Variants in PCYT1B observed in about 807,000 individuals in gnomAD.
PCYT1B encodes phosphate cytidylyltransferase 1B, choline.
PCYT1B carries 10 observed loss-of-function variants against 26.4 expected under a neutral mutation model. The observed-to-expected ratio is 0.38, with a 90% confidence interval of 0.23 to 0.64. PCYT1B has a LOEUF of 0.64. Ranked by LOEUF, PCYT1B falls within the 30% of genes least tolerant of loss-of-function variation. The pLI, the probability that PCYT1B is intolerant of heterozygous loss-of-function variation, is 0.56. For synonymous variants in PCYT1B, 131 were observed against 108.4 expected (o/e 1.21, Z -1.29); for missense variants, 161 against 292.7 (o/e 0.55, Z 3.28).
At chrX:24,629,768 C>G (rs1442159680) in intron 1 of PCYT1B, among the ~76,000 whole-genome samples, 1 of 109,531 alleles carries the variant, frequency 9.1e-6, no homozygotes, top group East Asian at 2.9e-4. Flanking sequence ...AAAACACTGA[C>G]CACTTATAAA....
intron 1 of PCYT1B, among the ~76,000 whole-genome samples, chrX:24,633,743 C>T (rs1331009240): frequency 1.8e-5 from 2 of 111,447 alleles, no homozygotes; most frequent in Admixed American, 9.6e-5. Context: ...ATACGCCATA[C>T]GAACTTAACT....
upstream of PCYT1B, among the ~76,000 whole-genome samples, chrX:24,651,966 A>G (rs1326274024): frequency 9.0e-6 from 1 of 111,531 alleles, no homozygotes; most frequent in Non-Finnish European, 1.9e-5. Context: ...GAAACAAAAA[A>G]GCTGAAACCG....
intron 1 of PCYT1B, among the ~76,000 whole-genome samples, chrX:24,654,749 CAAAAAAA>C (rs574317952): frequency 2.5e-5 from 1 of 40,046 alleles, no homozygotes; most frequent in Non-Finnish European, 4.0e-5. Context: ...GACCCTGTCT[CAAAAAAA>C]AAAAAAAAAA....
chrX:24,668,591 T>C (rs890385202), intron 1 of PCYT1B, among the ~76,000 whole-genome samples: 1 of 110,115 alleles, frequency 9.1e-6, no homozygotes, highest in African/African-American at 3.3e-5. Flanking sequence ...CAGAATATAG[T>C]GGAAGAAGTG....
At chrX:24,584,123 C>T (rs1924292047) in intron 5 of PCYT1B, among the ~76,000 whole-genome samples, 1 of 110,860 alleles carries the variant, frequency 9.0e-6, no homozygotes, top group South Asian at 3.8e-4. Context: ...TCACTTGAGC[C>T]CAGGAGTTTG....
In PCYT1B at chrX:24,605,953, C is replaced by A. The variant is rs924764092; in HGVS notation, c.334+1792G>T. On this transcript the variant is annotated intron_variant, in intron 3 of 7. Transcript: ENST00000379144. Reference sequence around the variant, plus strand: ...CCTATAATCCCAGCTACTTGGGAGGCTGAGGCAGGAGAATCACTTGAACCT... The same window carrying A: ...CCTATAATCCCAGCTACTTGGGAGGATGAGGCAGGAGAATCACTTGAACCT... Among the ~76,000 whole-genome samples the A allele has an allele frequency of 4.8e-5, 5 of 105,253 alleles. No homozygotes were observed. In the East Asian group the frequency reaches 1.5e-3, roughly 32 times the overall value. The allele number at this position is 105,253 out of a possible 115,157, so 91.4% of individuals were successfully genotyped here. A position where few individuals can be genotyped will look rare whatever the true frequency, so the allele number is the denominator to read the frequency against.
At chrX:24,651,467 AAAAAAATATATATATATAT>A (rs1437974510), upstream of PCYT1B, among the ~76,000 whole-genome samples, 292 of 30,441 alleles carry the variant, frequency 9.6e-3, 19 homozygotes, top group African/African-American at 0.034. Flanking sequence ...AAAAAAAAAA[AAAAAAATATATATATATAT>A]ATATATATAT....
chrX:24,589,231 C>T (rs771917106), intron 4 of PCYT1B, among the ~76,000 whole-genome samples: 1 of 112,053 alleles, frequency 8.9e-6, no homozygotes, highest in Non-Finnish European at 1.9e-5. Flanking sequence ...AGCTATTACT[C>T]ATGCACATTT....
chrX:24,646,051 T>C (rs1926613219), intron 1 of PCYT1B, among the ~76,000 whole-genome samples: 1 of 111,726 alleles, frequency 9.0e-6, no homozygotes, highest in African/African-American at 3.3e-5. Context: ...GGGAAATCGC[T>C]AAAGGAAAGG....
At position 24,560,043 on chromosome X, in the gene PCYT1B, C is replaced by CT. The variant is rs1816665069; in HGVS notation, c.*2249dup. 1 of 111,841 alleles carries CT rather than the reference C, an allele frequency of 8.9e-6. No individual in the cohort carries two copies. The highest frequency in any genetic ancestry group is 1.9e-5 in the Non-Finnish European group (1 of 53,169). 9.2% of individuals were successfully genotyped at this position (111,841 alleles called of 1,213,427 possible). On this transcript the variant is annotated 3_prime_UTR_variant, in exon 8 of 8. Transcript: ENST00000379144. ...ATCTGATGAGTCACGTAAGTGGCACCTGTCAGTATGGCGTGTAAGGCCTGC... is the reference window on the plus strand; with the variant it reads ...ATCTGATGAGTCACGTAAGTGGCACCTTGTCAGTATGGCGTGTAAGGCCTGC...
rs1235124564 is a variant in PCYT1B at position 24,656,453 on chromosome X, T to C, written c.63+16117A>G. 7.3e-5 allele frequency among the ~76,000 whole-genome samples: 8 copies of C among 108,907 alleles called. No individual in the cohort carries two copies. The East Asian group carries it at 1.7e-3, about 23-fold the overall frequency. 94.6% of individuals were successfully genotyped at this position (108,907 alleles called of 115,157 possible). A position where few individuals can be genotyped will look rare whatever the true frequency, so the allele number is the denominator to read the frequency against. On this transcript the variant is annotated intron_variant, in intron 1 of 7. Transcript: ENST00000379145. ...ATACATGAAAATACAGCTAACAAAA[T>C]GCCATTTTACATCTTACATTTAAAA...
chrX:24,612,052 G>A (rs962605239), intron 2 of PCYT1B, among the ~76,000 whole-genome samples: 3 of 112,694 alleles, frequency 2.7e-5, no homozygotes, highest in Non-Finnish European at 3.8e-5. Flanking sequence ...TTCTGCACTG[G>A]TGGCTTTGAA....
At chrX:24,577,141 G>C (rs1924043817) in intron 6 of PCYT1B, among the ~76,000 whole-genome samples, 1 of 111,093 alleles carries the variant, frequency 9.0e-6, no homozygotes, top group East Asian at 2.8e-4. Flanking sequence ...TCTGGGCTCA[G>C]CGTTCCTCAT....
At chrX:24,598,608 AT>A (rs774791171) in intron 3 of PCYT1B, among the ~76,000 whole-genome samples, 57 of 111,474 alleles carry the variant, frequency 5.1e-4, no homozygotes, top group Non-Finnish European at 8.9e-4. Flanking sequence ...TTATGTATAA[AT>A]TACATTGCAT....
intron 5 of PCYT1B, among the ~76,000 whole-genome samples, chrX:24,582,795 G>A (rs747230371): frequency 6.3e-5 from 7 of 111,994 alleles, no homozygotes; most frequent in Admixed American, 1.9e-4. Context: ...TTCAAAATAA[G>A]CCATGATTTG....
intron 1 of PCYT1B, among the ~76,000 whole-genome samples, chrX:24,664,636 C>T (rs1422712568): frequency 8.9e-6 from 1 of 112,213 alleles, no homozygotes; most frequent in Non-Finnish European, 1.9e-5. Context: ...CACTGCTCCA[C>T]AAACAGATTA....
intron 3 of PCYT1B, among the ~76,000 whole-genome samples, chrX:24,597,473 T>C (rs951825577): frequency 5.4e-5 from 6 of 112,129 alleles, no homozygotes; most frequent in Non-Finnish European, 1.1e-4. Flanking sequence ...AACGAATCAA[T>C]GTCCAGATTC....
intron 3 of PCYT1B, among the ~76,000 whole-genome samples, chrX:24,607,365 C>A (rs1461828759): frequency 8.9e-6 from 1 of 112,598 alleles, no homozygotes; most frequent in African/African-American, 3.2e-5. Flanking sequence ...ATCATCCTAA[C>A]TCCCTTTAGT....
At chrX:24,634,168 C>T (rs2148265843) in intron 1 of PCYT1B, among the ~76,000 whole-genome samples, 1 of 111,655 alleles carries the variant, frequency 9.0e-6, no homozygotes, top group East Asian at 2.8e-4. Context: ...ATCTTTCCAC[C>T]TCAGTGTCCC....
Sources: gnomAD v4.1 joint callset for allele counts (sites outside exome capture counted in the v4.1 genomes callset) on GRCh38, gnomAD v4.1.1 for gene constraint, MANE v1.5 for transcripts, NCBI Gene and HGNC (gene_info 2026-07-23, HGNC 2026-07-21) for gene names.